RESF1: variants seen among roughly 807,000 people sequenced by gnomAD.
RESF1 encodes retroelement silencing factor 1.
RESF1 carries 65 observed loss-of-function variants against 134.7 expected under a neutral mutation model. That is an observed-to-expected ratio of 0.48 (90% CI 0.40 to 0.59). RESF1 has a LOEUF of 0.59. RESF1 is among the 20% of genes least tolerant of loss of function. RESF1 has a pLI of 0.00. For synonymous variants in RESF1, 762 were observed against 702.2 expected, an observed-to-expected ratio of 1.09 and a Z score of -1.35; for missense variants, 2,274 against 2,002.7, an observed-to-expected ratio of 1.14 and a Z score of -2.59.
chr12:31,973,031 T>C (rs1248552532), intron 3 of RESF1, among the ~76,000 whole-genome samples: 2 of 152,216 alleles, frequency 1.3e-5, no homozygotes, highest in Non-Finnish European at 2.9e-5. Flanking sequence ...CTGTATTTTT[T>C]GTAACTTCAT....
At chr12:31,988,934 TCC>T (rs1431485135) in intron 5 of RESF1, among the ~76,000 whole-genome samples, 1 of 151,760 alleles carries the variant, frequency 6.6e-6, no homozygotes, top group African/African-American at 2.4e-5. Context: ...ACTCAGGTGA[TCC>T]ACCTGCCTCG....
chr12:31,992,341 T>A, intron 5 of RESF1, 37 bp from the exon 6 acceptor site: 1 of 1,527,974 alleles, frequency 6.5e-7, no homozygotes, highest in South Asian at 1.2e-5. Context: ...CAGCTAACAT[T>A]GAGAAATAAA....
Position 31,983,900 on chromosome 12 carries a change from C to A in RESF1, c.2945C>A (p.Ser982Tyr), listed in dbSNP as rs571599703. Reference sequence around the variant, plus strand: ...AAGTCAGAGCCACCCTTAGAGTCATCTTTTAACAATCTTGAAACAAACAGA... The same window carrying A: ...AAGTCAGAGCCACCCTTAGAGTCATATTTTAACAATCTTGAAACAAACAGA... ...QSKSEPPLESSFNNLETNRVI... is the reference protein window; with the variant it reads ...QSKSEPPLESYFNNLETNRVI... Residue 982 changes from serine (S) to tyrosine (Y), a missense_variant, in exon 4 of 6, where the codon TCT becomes TAT. Physicochemically the swap from Ser to Tyr is moderately radical, Grantham distance 144. Coordinates refer to ENST00000312561, the MANE Select transcript of RESF1 (RefSeq NM_018169.4). The A allele has an allele frequency of 1.2e-6, 2 of 1,613,890 alleles. No individual in the cohort carries two copies. Among genetic ancestry groups the A allele is most frequent in the East Asian group, 4.5e-5 (2 of 44,888 alleles).
intron 2 of RESF1, among the ~76,000 whole-genome samples, chr12:31,965,425 A>C (rs1020278449): frequency 5.9e-5 from 9 of 152,130 alleles, no homozygotes; most frequent in African/African-American, 2.2e-4. Context: ...AGAGTATTTA[A>C]ACTGCAGAAA....
rs781726368 is a variant in RESF1, at chr12:31,984,014, T to C, written c.3059T>C (p.Ile1020Thr). The C allele has an allele frequency of 2.5e-5, 40 of 1,613,836 alleles. No individual in the cohort carries two copies. In the Admixed American group the frequency reaches 3.0e-4, roughly 12 times the overall value. ...TCGTCAGCTGCTATTCAGGAGGATA[T>C]TTACCCTCAGGAAATAGATGCATCC... ...TCSSAAIQEDIYPQEIDASSN... is the reference protein window; with the variant it reads ...TCSSAAIQEDTYPQEIDASSN... Residue 1020 changes from isoleucine to threonine, a missense_variant, in exon 4 of 6, where the codon ATT becomes ACT. Coordinates refer to ENST00000312561, the MANE Select transcript of RESF1 (RefSeq NM_018169.4).
rs1939902374 is a variant in RESF1, at chr12:31,984,415, G to A, written c.3460G>A (p.Ala1154Thr). 2 of 1,614,068 alleles carry A rather than the reference G, an allele frequency of 1.2e-6. No individual in the cohort carries two copies. Among genetic ancestry groups the A allele is most frequent in the Non-Finnish European group, 8.5e-7 (1 of 1,180,030 alleles). The change falls in exon 4 of 6, where the codon GCT becomes ACT. Residue 1154 changes from alanine to threonine, a missense_variant. Physicochemically the swap from Ala to Thr is moderately conservative, Grantham distance 58. Transcript: ENST00000312561. ...CCAGTGTGACCTGCAGGCACCTGCA[G>A]CTGGACAAAGTCGTGATTCTGTGAT... ...VSQCDLQAPA[A>T]GQSRDSVILD...
chr12:31,987,354 TATCTCCCTATCTGGTATATGGAA>T (rs2120896235), intron 5 of RESF1, 32 bp downstream of exon 5: 1 of 1,152,344 alleles, frequency 8.7e-7, no homozygotes, highest in South Asian at 1.3e-5. Context: ...TTCATTCACT[TATCTCCCTATCTGGTATATGGAA>T]ATTGGATTAT....
rs776047026 is a variant in RESF1, at chr12:31,981,080, A to G, written c.125A>G (p.Tyr42Cys). Residue 42 changes from tyrosine to cysteine, a missense_variant, in exon 4 of 6, where the codon TAT (tyrosine) becomes TGT (cysteine). Transcript: ENST00000312561. ...ITTTSQSSFS[Y>C]PGSNQEACMY... ...ACAACATCTCAGAGTTCTTTCAGCT[A>G]TCCTGGAAGTAACCAAGAAGCATGC... 5 of 1,614,196 alleles carry G rather than the reference A, an allele frequency of 3.1e-6. No homozygotes were observed. The Admixed American group carries it at 6.7e-5, about 22-fold the overall frequency.
chr12:31,984,532 A>T lies in RESF1; in HGVS notation c.3577A>T (p.Ile1193Phe). The T allele has an allele frequency of 6.3e-7, 1 of 1,595,602 alleles. No individual in the cohort carries two copies. Among genetic ancestry groups the T allele is most frequent in the Non-Finnish European group, 8.5e-7 (1 of 1,171,140 alleles). Residue 1193 changes from isoleucine (I) to phenylalanine (F), a missense_variant, in exon 4 of 6, where the codon ATC becomes TTC. Ile to Phe is a conservative substitution (Grantham distance 21). Transcript: ENST00000312561. Reference sequence around the variant, plus strand: ...AGTACCCCAGTGTCAGTGTAATTCCATCAAGAACTCATCTTCAGAGGAAGA... The same window carrying T: ...AGTACCCCAGTGTCAGTGTAATTCCTTCAAGAACTCATCTTCAGAGGAAGA... ...EGVPQCQCNS[I>F]KNSSSEEEKQ... is the part of the protein sequence containing the mutation.
At position 31,983,840 on chromosome 12, in the gene RESF1, G is replaced by C; in HGVS notation, c.2885G>C (p.Cys962Ser). Residue 962 changes from cysteine to serine, a missense_variant, in exon 4 of 6, where the codon TGC becomes TCC. Physicochemically the swap from Cys to Ser is moderately radical, Grantham distance 112 (BLOSUM62 -1). Transcript: ENST00000312561. ...FGFQKDKPVQ[C>S]TDVSHKICDQ... is the part of the protein sequence containing the mutation. ...TTTCAAAAAGATAAACCTGTACAGT[G>C]CACAGATGTTTCACATAAAATATGT... 6.2e-7 allele frequency: 1 copy of C among 1,613,248 alleles called. No individual in the cohort carries two copies. The highest frequency in any genetic ancestry group is 8.5e-7 in the Non-Finnish European group (1 of 1,180,008).
chr12:31,979,045 T>C (rs1448147349), intron 3 of RESF1, among the ~76,000 whole-genome samples: 2 of 151,690 alleles, frequency 1.3e-5, no homozygotes, highest in African/African-American at 4.8e-5. Flanking sequence ...CTCAGCCTTC[T>C]GAGTAGCTGG....
chr12:31,982,676 A>G lies in RESF1; in HGVS notation c.1721A>G (p.Lys574Arg). Residue 574 changes from lysine (K) to arginine (R), a missense_variant, in exon 4 of 6, where the codon AAA (lysine) becomes AGA (arginine). Lys to Arg is a conservative substitution (Grantham distance 26). Transcript: ENST00000312561. ...AAGTCCATGTCCACTGAGGAATATA[A>G]ATCAAAAATTCAAAATGAAAATATG... ...VPKSMSTEEY[K>R]SKIQNENMLL... 1.2e-6 allele frequency: 2 copies of G among 1,614,074 alleles called. No individual in the cohort carries two copies. The highest frequency in any genetic ancestry group is 2.2e-5 in the South Asian group (2 of 91,076).
rs750204989 is a variant in RESF1 at position 31,983,830 on chromosome 12, C to G, written c.2875C>G (p.Pro959Ala). 5.0e-6 allele frequency: 8 copies of G among 1,613,082 alleles called. No homozygotes were observed. In the Admixed American group the frequency reaches 1.3e-4, roughly 27 times the overall value. ...NKDFGFQKDK[P>A]VQCTDVSHKI... The stretch of plus-strand genomic sequence containing the variant: ...AGACTTTGGTTTTCAAAAAGATAAA[C>G]CTGTACAGTGCACAGATGTTTCACA... The change falls in exon 4 of 6, where the codon CCT becomes GCT. Residue 959 changes from proline (P) to alanine (A), a missense_variant. Transcript: ENST00000312561.
intron 4 of RESF1, among the ~76,000 whole-genome samples, chr12:31,986,680 T>A (rs1295247944): frequency 1.3e-5 from 2 of 152,132 alleles, no homozygotes; most frequent in Non-Finnish European, 2.9e-5. Context: ...AAGGGAACAT[T>A]TAGACATAGT....
chr12:31,964,514 T>A (rs1346611534), intron 2 of RESF1, among the ~76,000 whole-genome samples: 7 of 152,224 alleles, frequency 4.6e-5, no homozygotes, highest in African/African-American at 1.7e-4. Context: ...TGTACTGTTT[T>A]CTTTATGCGG....
At position 31,985,837 on chromosome 12, in the gene RESF1, G is replaced by A; in HGVS notation, c.4882G>A (p.Glu1628Lys). Residue 1628 changes from glutamate to lysine, a missense_variant, in exon 4 of 6, where the codon GAA becomes AAA. Coordinates refer to ENST00000312561, the MANE Select transcript of RESF1 (RefSeq NM_018169.4). The part of the protein sequence containing the change: ...KTFLPVKGNT[E>K]KSNMLEFKLC... ...CTTTTTACCGGTGAAAGGTAACACA[G>A]AAAAATCAAACATGCTGGAGTTTAA... is the stretch of plus-strand genomic sequence containing the variant. 1.3e-6 allele frequency: 2 copies of A among 1,564,002 alleles called. No homozygotes were observed. Among genetic ancestry groups the A allele is most frequent in the Non-Finnish European group, 1.7e-6 (2 of 1,163,358 alleles).
intron 5 of RESF1, among the ~76,000 whole-genome samples, chr12:31,988,375 A>ATTTT (rs1253367021): frequency 6.6e-6 from 1 of 152,224 alleles, no homozygotes; most frequent in East Asian, 1.9e-4. Context: ...GAAACTTAAA[A>ATTTT]GACAATATAG....
At chr12:31,988,350 A>G (rs887812398) in intron 5 of RESF1, among the ~76,000 whole-genome samples, 5 of 152,220 alleles carry the variant, frequency 3.3e-5, no homozygotes, top group African/African-American at 1.2e-4. Context: ...AAAAATTAAT[A>G]CAACCATAAA....
At position 31,981,849 on chromosome 12, in the gene RESF1, T is replaced by G. The variant is rs900976791; in HGVS notation, c.894T>G (p.Thr298=). The G allele has an allele frequency of 6.2e-6, 10 of 1,613,990 alleles. No individual in the cohort carries two copies. Among genetic ancestry groups the G allele is most frequent in the Non-Finnish European group, 8.5e-6 (10 of 1,180,046 alleles). ...CTTTGCAAAGTACTCAGCATATTAC[T>G]AAACACTTGTCTATGGAAGTTCCTC... ...SQPLQSTQHI[T]KHLSMEVPQS... is the part of the protein sequence containing the mutation. The change falls in exon 4 of 6, where the codon ACT becomes ACG. Residue 298 remains threonine, a synonymous_variant. Coordinates refer to ENST00000312561, the MANE Select transcript of RESF1 (RefSeq NM_018169.4).
Sources: allele counts gnomAD v4.1 joint callset (sites outside exome capture counted in the v4.1 genomes callset), GRCh38; gene constraint gnomAD v4.1.1; transcripts MANE v1.5; gene names NCBI Gene and HGNC (gene_info 2026-07-23, HGNC 2026-07-21).